The following KCNJ5 variants were observed in gnomAD, a reference collection of about 807,000 sequenced individuals.
The protein encoded by KCNJ5 is potassium inwardly rectifying channel subfamily J member 5, also known as G protein-activated inward rectifier potassium channel 4.
A neutral mutation model predicts 20.2 loss-of-function variants in KCNJ5; 12 were observed. That is an observed-to-expected ratio of 0.59 (90% CI 0.38 to 0.96). The LOEUF is 0.96. KCNJ5 is among the 40% of genes least tolerant of loss of function. The pLI, the probability that KCNJ5 is intolerant of heterozygous loss-of-function variation, is 0.00. For synonymous variants in KCNJ5, 210 were observed against 213.9 expected (o/e 0.98, Z 0.16); for missense variants, 449 against 557.6 (o/e 0.81, Z 1.96).
At chr11:128,914,831 G>A (rs1738570197) in intron 2 of KCNJ5, among the ~76,000 whole-genome samples, 1 of 152,226 alleles carries the variant, frequency 6.6e-6, no homozygotes. Context: ...GGATCCCAAA[G>A]GGGAAAGGTC....
chr11:128,904,407 A>G (rs1376953934), intron 1 of KCNJ5: 1 of 1,613,798 alleles, frequency 6.2e-7, no homozygotes, highest in Non-Finnish European at 8.5e-7. Flanking sequence ...CAGAGAACGC[A>G]TCAAGGGTCG....
At chr11:128,915,699 T>C (rs1944566084) in intron 2 of KCNJ5, among the ~76,000 whole-genome samples, 1 of 152,264 alleles carries the variant, frequency 6.6e-6, no homozygotes, top group Non-Finnish European at 1.5e-5. Flanking sequence ...TATTCAGCTT[T>C]ACATTTCCAC....
chr11:128,907,752 C>T (rs958790592), intron 1 of KCNJ5, among the ~76,000 whole-genome samples: 2 of 152,214 alleles, frequency 1.3e-5, no homozygotes, highest in Admixed American at 6.5e-5. Context: ...AGCATTCCTC[C>T]CTGTCTGTCC....
rs572868921 is a variant in KCNJ5 at position 128,916,438 on chromosome 11, A to G, written c.967A>G (p.Met323Val). 8.1e-6 allele frequency: 13 copies of G among 1,614,206 alleles called. No individual in the cohort carries two copies. In the South Asian group the frequency reaches 1.4e-4, roughly 18 times the overall value. ...GMTCQARSSY[M>V]DTEVLWGHRF... ...GACCTGCCAAGCCCGGAGCTCCTAC[A>G]TGGATACAGAGGTGCTCTGGGGCCA... is the stretch of plus-strand genomic sequence containing the variant. The change falls in exon 3 of 3, where the codon ATG (methionine) becomes GTG (valine). Residue 323 changes from methionine (M) to valine (V), a missense_variant. Around this residue, in one of 5 missense-constraint regions of KCNJ5, gnomAD observed 145 missense variants for 166.2 expected, o/e 0.87. Transcript: ENST00000529694.
chr11:128,913,265 A>C (rs1486358437), intron 2 of KCNJ5, among the ~76,000 whole-genome samples: 1 of 152,192 alleles, frequency 6.6e-6, no homozygotes, highest in Non-Finnish European at 1.5e-5. Context: ...AGGGCAGGTG[A>C]GGCTCCTTTC....
At chr11:128,895,252 A>G (rs1430956675) in intron 1 of KCNJ5, among the ~76,000 whole-genome samples, 1 of 152,170 alleles carries the variant, frequency 6.6e-6, no homozygotes, top group Non-Finnish European at 1.5e-5. Context: ...AGGGAGGTCC[A>G]ATGCCATCAT....
At chr11:128,913,600 G>A (rs1468648078) in intron 2 of KCNJ5, among the ~76,000 whole-genome samples, 1 of 146,816 alleles carries the variant, frequency 6.8e-6, no homozygotes, top group Admixed American at 6.8e-5. Context: ...TTTCAACCAG[G>A]TACAATGAGC....
rs1247570583 is a variant in KCNJ5, at chr11:128,911,535, T to C, written c.262T>C (p.Phe88Leu). The C allele has an allele frequency of 6.2e-7, 1 of 1,614,236 alleles. No homozygotes were observed. The highest frequency in any genetic ancestry group is 1.7e-5 in the Admixed American group (1 of 60,034). ...CACCCTGGTGGACCTCAAGTGGCGC[T>C]TCAACTTGCTCGTCTTCACCATGGT... is the stretch of plus-strand genomic sequence containing the variant. ...FTTLVDLKWR[F>L]NLLVFTMVYT... The change falls in exon 2 of 3, where the codon TTC (phenylalanine) becomes CTC (leucine). Residue 88 changes from phenylalanine to leucine, a missense_variant. By Grantham distance (22) the Phe-to-Leu change is conservative (BLOSUM62 0). Coordinates refer to ENST00000529694, the MANE Select transcript of KCNJ5 (RefSeq NM_000890.5). The surrounding 1 kb of genome is among the most constrained non-coding windows in gnomAD (Gnocchi z 6.3).
chr11:128,913,744 C>A (rs576197815), intron 2 of KCNJ5, among the ~76,000 whole-genome samples: 9 of 152,294 alleles, frequency 5.9e-5, no homozygotes, highest in African/African-American at 2.2e-4. Flanking sequence ...GAGGCTGAAC[C>A]TAAAAAGCAT....
intron 2 of KCNJ5, among the ~76,000 whole-genome samples, chr11:128,915,200 A>C (rs879423149): frequency 2.6e-5 from 4 of 152,200 alleles, no homozygotes; most frequent in African/African-American, 7.2e-5. Context: ...CTGTGACCCT[A>C]AGCACAGAGG....
Position 128,911,638 on chromosome 11 carries a change from G to A in KCNJ5, c.365G>A (p.Gly122Asp). ...ATCCGGGGTGACCTGGACCATGTTG[G>A]CGACCAAGAGTGGATTCCTTGTGTT... ...AYIRGDLDHV[G>D]DQEWIPCVEN... The change falls in exon 2 of 3, where the codon GGC (glycine) becomes GAC (aspartate). Residue 122 changes from glycine to aspartate, a missense_variant. Coordinates refer to ENST00000529694, the MANE Select transcript of KCNJ5 (RefSeq NM_000890.5). The surrounding 1 kb of genome is among the most constrained non-coding windows in gnomAD (Gnocchi z 6.3). 1.2e-6 allele frequency: 2 copies of A among 1,614,206 alleles called. No individual in the cohort carries two copies. The highest frequency in any genetic ancestry group is 2.7e-5 in the African/African-American group (2 of 75,038).
rs141325005 is a variant in KCNJ5, at chr11:128,916,629, G to C, written c.1158G>C (p.Leu386=). Residue 386 remains leucine (L), a synonymous_variant, in exon 3 of 3, where the codon CTG becomes CTC. Transcript: ENST00000529694. ...LLQYLPSPPL[L]GGCAEAGLDA... ...AGTACCTCCCCAGCCCCCCACTGCT[G>C]GGGGGCTGTGCTGAGGCAGGGCTGG... is the stretch of plus-strand genomic sequence containing the variant. The C allele has an allele frequency of 5.0e-5, 80 of 1,613,850 alleles. No homozygotes were observed. The African/African-American group carries it at 9.3e-4, about 19-fold the overall frequency.
In KCNJ5 at chr11:128,916,820, G is replaced by C. The variant is rs1944591859; in HGVS notation, c.*89G>C. 9.4e-7 allele frequency: 1 copy of C among 1,060,506 alleles called. No homozygotes were observed. The highest frequency in any genetic ancestry group is 2.7e-5 in the Admixed American group (1 of 37,666). 65.7% of individuals were successfully genotyped at this position (1,060,506 alleles called of 1,614,324 possible). On this transcript the variant is annotated 3_prime_UTR_variant, in exon 3 of 3. Coordinates refer to ENST00000529694, the MANE Select transcript of KCNJ5 (RefSeq NM_000890.5). ...GGGAGCAGGGGAGGGGAATAGTTGAGTGTGCTGTTTGGGGGCTCAGGAGCC... is the reference window on the plus strand; with the variant it reads ...GGGAGCAGGGGAGGGGAATAGTTGACTGTGCTGTTTGGGGGCTCAGGAGCC...
chr11:128,893,739 C>T (rs1480891528), intron 1 of KCNJ5, among the ~76,000 whole-genome samples: 1 of 152,192 alleles, frequency 6.6e-6, no homozygotes, highest in East Asian at 1.9e-4. Context: ...ATTCACTCTG[C>T]CCAGGGCTGT....
chr11:128,916,903 T>A lies in KCNJ5; in HGVS notation c.*172T>A. On this transcript the variant is annotated 3_prime_UTR_variant, in exon 3 of 3. Transcript: ENST00000529694. ...CCCTCACAGCTCCCAGCACAGGGCCTCCCTGAGCCAGTGGCATCCTGCCTG... is the reference window on the plus strand; with the variant it reads ...CCCTCACAGCTCCCAGCACAGGGCCACCCTGAGCCAGTGGCATCCTGCCTG... The A allele has an allele frequency of 3.3e-6, 2 of 598,866 alleles. No individual in the cohort carries two copies. Among genetic ancestry groups the A allele is most frequent in the East Asian group, 5.6e-5 (2 of 35,576 alleles). The allele number at this position is 598,866 out of a possible 1,614,324, so 37.1% of individuals were successfully genotyped here.
chr11:128,905,813 G>A (rs1944401690), intron 1 of KCNJ5: 1 of 152,350 alleles, frequency 6.6e-6, no homozygotes, highest in African/African-American at 2.4e-5. Flanking sequence ...GCGGAGCAGA[G>A]CCTCTAGGCA....
intron 2 of KCNJ5, 77 bp from the exon 3 acceptor site, chr11:128,916,332 T>TG (rs1944582267): frequency 1.1e-5 from 12 of 1,084,614 alleles, no homozygotes; most frequent in Middle Eastern, 2.0e-4. Context: ...ATGGATGGAT[T>TG]GATGGATGAA....
At chr11:128,906,443 G>A (rs1944417209) in intron 1 of KCNJ5, among the ~76,000 whole-genome samples, 1 of 152,196 alleles carries the variant, frequency 6.6e-6, no homozygotes, top group Admixed American at 6.5e-5. Context: ...CAGGCTTGAT[G>A]CGACTGTGTC....
chr11:128,903,448 T>C, intron 1 of KCNJ5: 1 of 1,614,192 alleles, frequency 6.2e-7, no homozygotes, highest in Non-Finnish European at 8.5e-7. Context: ...ATGCACATCC[T>C]GCCCAGCTGA....
Sources: allele counts gnomAD v4.1 joint callset (sites outside exome capture counted in the v4.1 genomes callset), GRCh38; gene constraint gnomAD v4.1.1; regional missense constraint gnomAD v4.1.1; non-coding constraint Gnocchi (gnomAD v3.1); transcripts MANE v1.5; gene names NCBI Gene and HGNC (gene_info 2026-07-23, HGNC 2026-07-21).